Variants in RTN4R observed in about 807,000 individuals in gnomAD.
The protein encoded by RTN4R is reticulon-4 receptor.
A neutral mutation model predicts 27.7 loss-of-function variants in RTN4R; 4 were observed. The observed-to-expected ratio is 0.14, with a 90% CI of 0.07 to 0.33. The LOEUF is 0.33. RTN4R is among the 10% of genes least tolerant of loss of function. The probability of loss-of-function intolerance (pLI) is 1.00; values close to 1 mark genes in which losing one functional copy is unlikely to be tolerated. For missense variants in RTN4R, 554 were observed against 671.5 expected, an observed-to-expected ratio of 0.83 and a Z score of 1.93; for synonymous variants, 290 against 305.6, an observed-to-expected ratio of 0.95 and a Z score of 0.53.
chr22:20,253,862 A>C (rs978282838), intron 1 of RTN4R, among the ~76,000 whole-genome samples: 5 of 152,174 alleles, frequency 3.3e-5, no homozygotes, highest in African/African-American at 1.2e-4. Context: ...AAATCAATAC[A>C]AGTGTTAGAA....
At chr22:20,247,600 T>TTCCAGGGC (rs2051149517) in intron 1 of RTN4R, among the ~76,000 whole-genome samples, 2 of 151,766 alleles carry the variant, frequency 1.3e-5, no homozygotes, top group East Asian at 3.9e-4. Flanking sequence ...TCCTGTGCCC[T>TTCCAGGGC]TCCAGGGCTC....
At chr22:20,256,010 G>T (rs1436041939) in intron 1 of RTN4R, among the ~76,000 whole-genome samples, 2 of 152,228 alleles carry the variant, frequency 1.3e-5, no homozygotes, top group African/African-American at 4.8e-5. Context: ...TTCCTTATTT[G>T]AAATCAATTT....
At position 20,251,627 on chromosome 22, in the gene RTN4R, C is replaced by T. The variant is rs555071509; in HGVS notation, c.23-8517G>A. On this transcript the variant is annotated intron_variant, in intron 1 of 1. Coordinates refer to ENST00000043402, the MANE Select transcript of RTN4R (RefSeq NM_023004.6). The stretch of plus-strand genomic sequence containing the variant: ...ATCCTCATTACCATCACTATCACCA[C>T]CATCATCTTCATCACCATCCTCATC... Among the ~76,000 whole-genome samples, 335 of 113,474 alleles carry T rather than the reference C, an allele frequency of 3.0e-3. 2 individuals carry two copies. The highest frequency in any genetic ancestry group is 0.011 in the African/African-American group (319 of 30,300). The allele number at this position is 113,474 out of a possible 152,430, so 74.4% of individuals were successfully genotyped here. A position where few individuals can be genotyped will look rare whatever the true frequency, so the allele number is the denominator to read the frequency against.
At chr22:20,254,999 CGA>C (rs1465109695) in intron 1 of RTN4R, among the ~76,000 whole-genome samples, 2 of 152,296 alleles carry the variant, frequency 1.3e-5, no homozygotes, top group Admixed American at 1.3e-4. Flanking sequence ...CTGATGGCAG[CGA>C]GACAGCCATG....
intron 1 of RTN4R, among the ~76,000 whole-genome samples, chr22:20,257,263 G>A (rs1050296954): frequency 3.9e-5 from 6 of 152,226 alleles, no homozygotes; most frequent in African/African-American, 7.2e-5. Context: ...GTAGCAACAT[G>A]GATAGCTTTA....
intron 1 of RTN4R, chr22:20,249,041 C>G (rs1024457711): frequency 1.0e-5 from 5 of 498,894 alleles, no homozygotes; most frequent in Non-Finnish European, 1.7e-5. Context: ...ACAGCCAGTG[C>G]CCCCTTGCCC....
chr22:20,252,997 G>A (rs1032919208), intron 1 of RTN4R, among the ~76,000 whole-genome samples: 12 of 152,098 alleles, frequency 7.9e-5, no homozygotes, highest in Admixed American at 1.3e-4. Context: ...GGTCAGCCTC[G>A]TCTCAGGTGA....
rs2051209587 is a variant in RTN4R, at chr22:20,255,914, C to A, written c.22+12157G>T. Among the ~76,000 whole-genome samples, 1 of 152,250 alleles carries A rather than the reference C, an allele frequency of 6.6e-6. No homozygotes were observed. The highest frequency in any genetic ancestry group is 6.5e-5 in the Admixed American group (1 of 15,292). On this transcript the variant is annotated intron_variant, in intron 1 of 1. Coordinates refer to ENST00000043402, the MANE Select transcript of RTN4R (RefSeq NM_023004.6). This position sits in a 1 kb window ranked among gnomAD's most constrained non-coding sequence, Gnocchi z 4.8. Reference sequence around the variant, plus strand: ...ATGCGTCTCCACAACCAAACCGAGGCACGCACGCAGCGGCGACGTGAATAA... The same window carrying A: ...ATGCGTCTCCACAACCAAACCGAGGAACGCACGCAGCGGCGACGTGAATAA...
intron 1 of RTN4R, among the ~76,000 whole-genome samples, chr22:20,256,024 A>G (rs2051210307): frequency 6.6e-6 from 1 of 152,222 alleles, no homozygotes; most frequent in Non-Finnish European, 1.5e-5. Flanking sequence ...TCAATTTGGG[A>G]TGGAAACTGT....
At chr22:20,256,876 G>A (rs2051214949) in intron 1 of RTN4R, among the ~76,000 whole-genome samples, 1 of 152,204 alleles carries the variant, frequency 6.6e-6, no homozygotes, top group Non-Finnish European at 1.5e-5. Flanking sequence ...GCACTTCTGT[G>A]GGCCCACTCC....
Position 20,242,284 on chromosome 22 carries a change from G to A in RTN4R, c.849C>T (p.Ser283=), listed in dbSNP as rs367592783. Reference sequence around the variant, plus strand: ...GTTGCGGGAGGCTGCAGGGCACCTCGGAGGAGGAGCCGCGGAACTTCTGCA... The same window carrying A: ...GTTGCGGGAGGCTGCAGGGCACCTCAGAGGAGGAGCCGCGGAACTTCTGCA... ...AWLQKFRGSS[S]EVPCSLPQRL... Residue 283 remains serine, a synonymous_variant, in exon 2 of 2, where the codon TCC becomes TCT. Transcript: ENST00000043402. 2.8e-5 allele frequency: 45 copies of A among 1,600,706 alleles called. No homozygotes were observed. Among genetic ancestry groups the A allele is most frequent in the African/African-American group, 9.4e-5 (7 of 74,758 alleles).
intron 1 of RTN4R, chr22:20,267,574 C>T (rs112035786): frequency 0.014 from 6,726 of 468,126 alleles, 387 homozygotes; most frequent in African/African-American, 0.12. Flanking sequence ...CCTCTACTGC[C>T]GCCAACGCCC....
intron 1 of RTN4R, among the ~76,000 whole-genome samples, chr22:20,250,046 C>A (rs1206721630): frequency 6.6e-6 from 1 of 152,244 alleles, no homozygotes; most frequent in East Asian, 1.9e-4. Flanking sequence ...AGAAGCTCAG[C>A]CAGGCAGGGC....
intron 1 of RTN4R, among the ~76,000 whole-genome samples, chr22:20,262,391 A>G (rs939015650): frequency 1.1e-4 from 16 of 152,190 alleles, no homozygotes; most frequent in African/African-American, 3.9e-4. Flanking sequence ...GAGGCAGGGC[A>G]GAGTGGGTGA....
intron 1 of RTN4R, among the ~76,000 whole-genome samples, chr22:20,254,984 T>C (rs1569039629): frequency 6.6e-6 from 1 of 152,202 alleles, no homozygotes; most frequent in Non-Finnish European, 1.5e-5. Flanking sequence ...TGGCTGTGAA[T>C]TTAACTGATG....
At chr22:20,268,016 C>T (rs2051289605) in intron 1 of RTN4R, 55 bp downstream of exon 1, 4 of 1,070,550 alleles carry the variant, frequency 3.7e-6, no homozygotes, top group East Asian at 8.4e-5. Flanking sequence ...GGGGGCGAGC[C>T]GCCCCCCTCC....
chr22:20,254,929 G>A (rs1248716516), intron 1 of RTN4R, among the ~76,000 whole-genome samples: 4 of 152,198 alleles, frequency 2.6e-5, no homozygotes, highest in African/African-American at 7.2e-5. Context: ...CCCATCCCAC[G>A]GCAGGATTGA....
intron 1 of RTN4R, chr22:20,243,343 C>G: frequency 1.4e-6 from 1 of 701,608 alleles, no homozygotes; most frequent in Non-Finnish European, 2.6e-6. Flanking sequence ...CCCTGGAAGC[C>G]ACATCTGCAG....
At chr22:20,248,122 A>T (rs2051153089) in intron 1 of RTN4R, among the ~76,000 whole-genome samples, 1 of 152,262 alleles carries the variant, frequency 6.6e-6, no homozygotes, top group African/African-American at 2.4e-5. Context: ...TGAGGAACAT[A>T]AGAACTGGTG....
Sources: allele counts gnomAD v4.1 joint callset (sites outside exome capture counted in the v4.1 genomes callset), GRCh38; gene constraint gnomAD v4.1.1; non-coding constraint Gnocchi (gnomAD v3.1); transcripts MANE v1.5; gene names NCBI Gene and HGNC (gene_info 2026-07-23, HGNC 2026-07-21).